The following RAPGEF6 variants were observed in gnomAD, a reference collection of about 807,000 sequenced individuals.
RAPGEF6 encodes Rap guanine nucleotide exchange factor 6.
Under a neutral mutation model 171.4 loss-of-function variants are expected in RAPGEF6, and 56 were observed. That is an observed-to-expected ratio of 0.33 (90% confidence interval 0.26 to 0.41). The LOEUF (loss-of-function observed/expected upper bound fraction) is 0.41. Among genes scored for constraint, RAPGEF6 ranks in the 10% least tolerant of loss-of-function variants. RAPGEF6 has a pLI of 1.00. For missense variants in RAPGEF6, 1,674 were observed against 1,921.4 expected (o/e 0.87, Z 2.41); for synonymous variants, 692 against 650.1 (o/e 1.06, Z -0.98).
intron 16 of RAPGEF6, among the ~76,000 whole-genome samples, chr5:131,477,135 A>G (rs1314521824): frequency 6.6e-6 from 1 of 152,182 alleles, no homozygotes; most frequent in African/African-American, 2.4e-5. Context: ...AGCAGAAGGA[A>G]TTGTCTGAAT....
intron 24 of RAPGEF6, among the ~76,000 whole-genome samples, chr5:131,438,539 T>C (rs958942092): frequency 2.6e-5 from 4 of 152,226 alleles, no homozygotes; most frequent in African/African-American, 7.2e-5. Context: ...TATTTAAATA[T>C]GTAATTCTTT....
intron 17 of RAPGEF6, among the ~76,000 whole-genome samples, chr5:131,467,794 G>A (rs376897931): frequency 6.6e-6 from 1 of 152,202 alleles, no homozygotes; most frequent in Admixed American, 6.5e-5. Context: ...CACTTTAGGG[G>A]GCTGAGGTGG....
chr5:131,440,701 G>GCACTC (rs1333805904), intron 23 of RAPGEF6, among the ~76,000 whole-genome samples: 1 of 132,638 alleles, frequency 7.5e-6, no homozygotes, highest in Non-Finnish European at 1.5e-5. Context: ...TCGCACCACT[G>GCACTC]CACTCCAGCC....
intron 4 of RAPGEF6, among the ~76,000 whole-genome samples, chr5:131,590,259 G>A (rs112799620): frequency 6.6e-6 from 1 of 152,134 alleles, no homozygotes; most frequent in Non-Finnish European, 1.5e-5. Flanking sequence ...AATTAGCTGG[G>A]TGTGGTGGCA....
At chr5:131,492,871 G>T (rs765629191) in intron 13 of RAPGEF6, 86 bp from the exon 14 acceptor site, 4 of 1,293,588 alleles carry the variant, frequency 3.1e-6, no homozygotes, top group Non-Finnish European at 4.4e-6. Flanking sequence ...TAGAATTAGA[G>T]TTATAAATAT....
chr5:131,461,663 A>G, intron 19 of RAPGEF6, 42 bp downstream of exon 19: 2 of 1,526,764 alleles, frequency 1.3e-6, no homozygotes, highest in Non-Finnish European at 1.8e-6. Context: ...GCATGTAATG[A>G]CAAAACCATA....
intron 5 of RAPGEF6, among the ~76,000 whole-genome samples, chr5:131,561,765 T>C (rs1053184910): frequency 6.6e-6 from 1 of 151,898 alleles, no homozygotes; most frequent in Non-Finnish European, 1.5e-5. Context: ...CTGCAAATTA[T>C]ATGTAAGTGT....
chr5:131,435,781 A>G (rs1751972283), intron 24 of RAPGEF6: 4 of 1,276,366 alleles, frequency 3.1e-6, no homozygotes, highest in Non-Finnish European at 4.1e-6. Flanking sequence ...AAATTTACTA[A>G]CTCAATACAT....
In RAPGEF6 at chr5:131,634,971, C is replaced by T; in HGVS notation, c.60G>A (p.Arg20=). The T allele has an allele frequency of 1.2e-6, 2 of 1,614,120 alleles. No individual in the cohort carries two copies. The highest frequency in any genetic ancestry group is 1.7e-6 in the Non-Finnish European group (2 of 1,179,926). The change falls in exon 1 of 28, where the codon CGG becomes CGA. Residue 20 remains arginine, a synonymous_variant. Coordinates refer to ENST00000509018, the MANE Select transcript of RAPGEF6 (RefSeq NM_016340.6). The part of the protein sequence containing the change: ...RQALRKKPPE[R]TPEDLNTIYS... ...GGTCAACCAGCCTCACCTCGGGAGTCCGCTCGGGTGGCTTCTTCCTCAACG... is the reference window on the plus strand; with the variant it reads ...GGTCAACCAGCCTCACCTCGGGAGTTCGCTCGGGTGGCTTCTTCCTCAACG...
At chr5:131,464,336 C>A (rs772539143) in intron 17 of RAPGEF6, 55 bp from the exon 18 acceptor site, 3 of 1,484,236 alleles carry the variant, frequency 2.0e-6, no homozygotes, top group Non-Finnish European at 2.8e-6. Context: ...ACTTTTAAAC[C>A]CTTCAAAAAG....
At chr5:131,441,930 T>C (rs1200791742) in intron 23 of RAPGEF6, among the ~76,000 whole-genome samples, 1 of 152,190 alleles carries the variant, frequency 6.6e-6, no homozygotes, top group African/African-American at 2.4e-5. Flanking sequence ...AAAGTTATAT[T>C]CTCTTGTTTC....
chr5:131,529,153 GA>G (rs111967742), intron 6 of RAPGEF6, among the ~76,000 whole-genome samples: 441 of 132,410 alleles, frequency 3.3e-3, no homozygotes, highest in East Asian at 0.016. Flanking sequence ...AGAGACCACG[GA>G]AAAAAAAAAA....
chr5:131,540,289 T>C (rs1413951028), intron 6 of RAPGEF6, among the ~76,000 whole-genome samples: 1 of 152,216 alleles, frequency 6.6e-6, no homozygotes, highest in Non-Finnish European at 1.5e-5. Context: ...AGCAGCTTGC[T>C]GGGTGCAGAA....
At chr5:131,464,353 G>GA (rs1236616206) in intron 17 of RAPGEF6, 72 bp from the exon 18 acceptor site, 2 of 1,120,690 alleles carry the variant, frequency 1.8e-6, no homozygotes, top group Middle Eastern at 2.6e-4. Context: ...AAAGCAACGT[G>GA]AAACACAGTG....
chr5:131,436,950 A>G (rs1752048937), intron 24 of RAPGEF6, among the ~76,000 whole-genome samples: 2 of 152,306 alleles, frequency 1.3e-5, no homozygotes, highest in East Asian at 3.9e-4. Context: ...AACTATCCTC[A>G]TGCAAAACAT....
At chr5:131,513,703 T>C (rs1757891708) in intron 7 of RAPGEF6, among the ~76,000 whole-genome samples, 1 of 152,182 alleles carries the variant, frequency 6.6e-6, no homozygotes, top group Non-Finnish European at 1.5e-5. Context: ...GAATATAATC[T>C]ACCCTTACAA....
rs1335612976 is a variant in RAPGEF6 at position 131,472,352 on chromosome 5, T to C, written c.2239+235A>G. The C allele has an allele frequency of 1.5e-5, 8 of 540,326 alleles. No homozygotes were observed. The Admixed American group carries it at 2.0e-4, about 14-fold the overall frequency. The allele number at this position is 540,326 out of a possible 1,614,324, so 33.5% of individuals were successfully genotyped here. ...TCCCAAAGTGCTGGGATTACAGGCG[T>C]GAGCCACTGCGCCTGGCCAGAGGTA... is the stretch of plus-strand genomic sequence containing the variant. On this transcript the variant is annotated intron_variant, in intron 17 of 27. Coordinates refer to ENST00000509018, the MANE Select transcript of RAPGEF6 (RefSeq NM_016340.6).
At chr5:131,495,713 A>G in intron 12 of RAPGEF6, 53 bp from the exon 13 acceptor site, 5 of 1,565,100 alleles carry the variant, frequency 3.2e-6, no homozygotes, top group Non-Finnish European at 4.3e-6. Context: ...TTCCTTCTGC[A>G]CAAGTGGATT....
intron 7 of RAPGEF6, among the ~76,000 whole-genome samples, chr5:131,516,290 G>A (rs1273570793): frequency 6.6e-6 from 1 of 151,914 alleles, no homozygotes; most frequent in African/African-American, 2.4e-5. Context: ...TGCTATGTTA[G>A]CCAGGCTGGT....
Sources: allele counts gnomAD v4.1 joint callset (sites outside exome capture counted in the v4.1 genomes callset), GRCh38; gene constraint gnomAD v4.1.1; transcripts MANE v1.5; gene names NCBI Gene and HGNC (gene_info 2026-07-23, HGNC 2026-07-21).